The following PKIB variants were observed in gnomAD, a reference collection of about 807,000 sequenced individuals.
PKIB encodes cAMP-dependent protein kinase inhibitor beta, also known as PKI-beta.
A neutral mutation model predicts 4.5 loss-of-function variants in PKIB; 2 were observed. The ratio of observed to expected loss-of-function variants is 0.44; its 90% confidence interval spans 0.18 to 1.39. PKIB has a LOEUF of 1.39. Ranked by LOEUF, PKIB falls within the 40% of genes most tolerant of loss-of-function variation. The pLI is 0.27. For missense variants in PKIB, 94 were observed against 92.6 expected (o/e 1.02, Z -0.06); for synonymous variants, 38 against 36.0 (o/e 1.06, Z -0.20).
At chr6:122,524,589 G>A (rs1434558534) in intron 2 of PKIB, among the ~76,000 whole-genome samples, 1 of 152,050 alleles carries the variant, frequency 6.6e-6, no homozygotes, top group South Asian at 2.1e-4. Context: ...GAATTCTCCA[G>A]TGAAGCCATC....
intron 2 of PKIB, among the ~76,000 whole-genome samples, chr6:122,583,668 G>A (rs1424940678): frequency 6.6e-6 from 1 of 151,842 alleles, no homozygotes. Flanking sequence ...TTATCTTCTT[G>A]GCACAAATAT....
At chr6:122,520,286 C>T (rs766085601) in intron 2 of PKIB, among the ~76,000 whole-genome samples, 17 of 152,084 alleles carry the variant, frequency 1.1e-4, no homozygotes, top group Non-Finnish European at 2.4e-4. Flanking sequence ...ATATCTGGCA[C>T]TTAGAAGAGT....
In PKIB at chr6:122,717,790, T is replaced by C; in HGVS notation, c.-5T>C. ...CATATGCACATTCTATTTGTAGATG[T>C]TGCTATGAGGACAGATTCATCAAAA... On this transcript the variant is annotated 5_prime_UTR_variant, in exon 4 of 5. Coordinates refer to ENST00000368452, the MANE Select transcript of PKIB (RefSeq NM_181795.3). 1 of 1,613,838 alleles carries C rather than the reference T, an allele frequency of 6.2e-7. No individual in the cohort carries two copies. The highest frequency in any genetic ancestry group is 1.3e-5 in the African/African-American group (1 of 75,040).
intron 2 of PKIB, among the ~76,000 whole-genome samples, chr6:122,671,312 T>C (rs1477089580): frequency 6.6e-6 from 1 of 152,008 alleles, no homozygotes; most frequent in Non-Finnish European, 1.5e-5. Context: ...AAAATACTTA[T>C]TGAAGTATCT....
intron 2 of PKIB, among the ~76,000 whole-genome samples, chr6:122,520,661 T>TCCCCCCCCC (rs543467489): frequency 1.3e-4 from 7 of 55,542 alleles, no homozygotes; most frequent in African/African-American, 2.4e-4. Flanking sequence ...AAGTTTATGT[T>TCCCCCCCCC]CCCACCCCCC....
chr6:122,652,313 T>A (rs1001389462), intron 2 of PKIB, among the ~76,000 whole-genome samples: 17 of 122,866 alleles, frequency 1.4e-4, no homozygotes, highest in African/African-American at 5.5e-4. Context: ...TGTGTGTGTG[T>A]GTGTGTGTGT....
At chr6:122,551,091 T>C (rs1772662660) in intron 2 of PKIB, among the ~76,000 whole-genome samples, 2 of 152,174 alleles carry the variant, frequency 1.3e-5, no homozygotes, top group South Asian at 4.1e-4. Context: ...AAATTTCACT[T>C]ATATGCTTGA....
At chr6:122,629,104 G>C (rs900340269) in intron 1 of PKIB, among the ~76,000 whole-genome samples, 13 of 152,120 alleles carry the variant, frequency 8.5e-5, no homozygotes, top group African/African-American at 3.1e-4. Flanking sequence ...AGTCCTGAAG[G>C]GGGCAGCTGG....
intron 3 of PKIB, among the ~76,000 whole-genome samples, chr6:122,588,077 T>C (rs1259888843): frequency 6.6e-6 from 1 of 152,198 alleles, no homozygotes; most frequent in Non-Finnish European, 1.5e-5. Context: ...CTTTTGGTGT[T>C]TTAGACATGA....
At chr6:122,629,199 T>C (rs1403524161) in intron 1 of PKIB, among the ~76,000 whole-genome samples, 1 of 152,224 alleles carries the variant, frequency 6.6e-6, no homozygotes, top group South Asian at 2.1e-4. Flanking sequence ...TCAGTTGTGT[T>C]ACCCAGATAG....
chr6:122,726,030 G>A lies in PKIB; in HGVS notation c.*835G>A, dbSNP rs1349048811. The A allele has an allele frequency of 2.6e-5, 4 of 152,118 alleles. No homozygotes were observed. In the East Asian group the frequency reaches 7.7e-4, roughly 29 times the overall value. The allele number at this position is 152,118 out of a possible 1,614,324, so 9.4% of individuals were successfully genotyped here. A position where few individuals can be genotyped will look rare whatever the true frequency, so the allele number is the denominator to read the frequency against. On this transcript the variant is annotated 3_prime_UTR_variant, in exon 5 of 5. Transcript: ENST00000368452. ...TTTAAATAACTTCCTCAGCAATGCA[G>A]ACCTTAATTTTTATATTTTTTTAAA... is the stretch of plus-strand genomic sequence containing the variant.
intron 3 of PKIB, chr6:122,701,097 G>A (rs567893818): frequency 8.2e-4 from 158 of 192,494 alleles, no homozygotes; most frequent in African/African-American, 3.4e-3. Context: ...TCTGCACCTC[G>A]ATGCCCTTCG....
At chr6:122,527,627 G>GTTTTATAC (rs1483951789) in intron 2 of PKIB, among the ~76,000 whole-genome samples, 2 of 152,072 alleles carry the variant, frequency 1.3e-5, no homozygotes, top group Non-Finnish European at 2.9e-5. Context: ...TGTTTTATAT[G>GTTTTATAC]GGAATGGTTT....
chr6:122,666,563 TTAG>T (rs1253496858), intron 2 of PKIB, among the ~76,000 whole-genome samples: 2 of 152,232 alleles, frequency 1.3e-5, no homozygotes, highest in African/African-American at 4.8e-5. Flanking sequence ...AACACATCTC[TTAG>T]TAGTCTTGAG....
At position 122,582,185 on chromosome 6, in the gene PKIB, G is replaced by A. The variant is rs183346594; in HGVS notation, c.-247-3736G>A. 1.6e-3 allele frequency among the ~76,000 whole-genome samples: 248 copies of A among 152,068 alleles called. 2 individuals are homozygous for A. Among genetic ancestry groups the A allele is most frequent in the African/African-American group, 5.5e-3 (229 of 41,514 alleles). On this transcript the variant is annotated intron_variant, in intron 2 of 6. Transcript: ENST00000392491. ...TATATCCTAATAGAAAAAAGTTAAA[G>A]TCCTAAAATCATCCAGGTCATTCTT...
intron 3 of PKIB, among the ~76,000 whole-genome samples, chr6:122,703,333 C>T (rs1171169665): frequency 3.3e-5 from 5 of 151,828 alleles, no homozygotes; most frequent in Non-Finnish European, 7.4e-5. Flanking sequence ...ATGCTTATGT[C>T]GTATGTTAAG....
chr6:122,702,326 C>CTTT (rs112095053), intron 3 of PKIB, among the ~76,000 whole-genome samples: 3 of 97,258 alleles, frequency 3.1e-5, no homozygotes, highest in Non-Finnish European at 6.0e-5. Flanking sequence ...TTTAAAAAAA[C>CTTT]TTTTTTTTTT....
At chr6:122,647,391 G>A (rs972750810) in intron 2 of PKIB, among the ~76,000 whole-genome samples, 1 of 152,208 alleles carries the variant, frequency 6.6e-6, no homozygotes, top group Non-Finnish European at 1.5e-5. Context: ...GACTAGTCAG[G>A]TTGACGCATG....
At chr6:122,550,425 G>A (rs1013360118) in intron 2 of PKIB, among the ~76,000 whole-genome samples, 1 of 151,670 alleles carries the variant, frequency 6.6e-6, no homozygotes, top group African/African-American at 2.4e-5. Context: ...TTATAACTGA[G>A]CATTTTAGAA....
Sources: gnomAD v4.1 joint callset for allele counts (sites outside exome capture counted in the v4.1 genomes callset) on GRCh38, gnomAD v4.1.1 for gene constraint, MANE v1.5 for transcripts, NCBI Gene and HGNC (gene_info 2026-07-23, HGNC 2026-07-21) for gene names.